MAP3K5: variants seen among roughly 807,000 people sequenced by gnomAD.
The protein encoded by MAP3K5 is ASK-1.
A neutral mutation model predicts 158.7 loss-of-function variants in MAP3K5; 56 were observed. The observed-to-expected ratio is 0.35, with a 90% confidence interval of 0.28 to 0.44. The LOEUF (loss-of-function observed/expected upper bound fraction) is 0.44, where lower values mean the gene tolerates loss of function less well. Among genes scored for constraint, MAP3K5 ranks in the 20% least tolerant of loss-of-function variants. The pLI, the probability that MAP3K5 is intolerant of heterozygous loss-of-function variation, is 1.00. For missense variants in MAP3K5, 1,294 were observed against 1,674.8 expected (o/e 0.77, Z 3.97); for synonymous variants, 579 against 601.7 (o/e 0.96, Z 0.55).
At chr6:136,565,464 C>A (rs1224252130) in intron 26 of MAP3K5, among the ~76,000 whole-genome samples, 1 of 152,146 alleles carries the variant, frequency 6.6e-6, no homozygotes, top group Non-Finnish European at 1.5e-5. Flanking sequence ...TAGGGTCTTG[C>A]TCTGTCACCC....
chr6:136,733,347 C>A lies in MAP3K5; in HGVS notation c.449-12758G>T, dbSNP rs917633594. ...GTTTAGTAAGTGCTATTGAGGGAGC[C>A]CTGCAAATACTGTCACTGGGTTGTC... On this transcript the variant is annotated intron_variant, in intron 1 of 29. Transcript: ENST00000359015. Among the ~76,000 whole-genome samples the A allele has an allele frequency of 2.0e-5, 3 of 152,074 alleles. 1 individual carries two copies. Among genetic ancestry groups the A allele is most frequent in the African/African-American group, 7.2e-5 (3 of 41,404 alleles).
intron 23 of MAP3K5, among the ~76,000 whole-genome samples, chr6:136,587,751 G>A (rs1021478204): frequency 6.6e-6 from 1 of 152,128 alleles, no homozygotes; most frequent in South Asian, 2.1e-4. Flanking sequence ...CAGCAGTTTC[G>A]GGTACTCACT....
At position 136,562,608 on chromosome 6, in the gene MAP3K5, C is replaced by T. The variant is rs1226574277; in HGVS notation, c.3769G>A (p.Glu1257Lys). The T allele has an allele frequency of 6.4e-7, 1 of 1,570,776 alleles. No homozygotes were observed. Among genetic ancestry groups the T allele is most frequent in the African/African-American group, 1.4e-5 (1 of 73,132 alleles). ...RMKIETNRLL[E>K]ELVRKEKELQ... The stretch of plus-strand genomic sequence containing the variant: ...TCTTTCTCTTTCCGAACCAATTCTT[C>T]CAGTAATCTGCAGAAGAAAAATATA... Residue 1257 changes from glutamate to lysine, a missense_variant, in exon 27 of 30, where the codon GAA (glutamate) becomes AAA (lysine). Glu to Lys is a moderately conservative substitution (Grantham distance 56, BLOSUM62 1). Coordinates refer to ENST00000359015, the MANE Select transcript of MAP3K5 (RefSeq NM_005923.4).
intron 8 of MAP3K5, among the ~76,000 whole-genome samples, chr6:136,660,160 T>A (rs912386181): frequency 1.8e-4 from 27 of 152,230 alleles, no homozygotes; most frequent in African/African-American, 6.0e-4. Context: ...TGAAATTCTA[T>A]CAGTTGAAGT....
chr6:136,730,048 C>CT (rs994557678), intron 1 of MAP3K5, among the ~76,000 whole-genome samples: 1 of 152,208 alleles, frequency 6.6e-6, no homozygotes, highest in African/African-American at 2.4e-5. Context: ...TCACGGCTCA[C>CT]TGCAGCCTCC....
chr6:136,709,022 C>A (rs1047740251), intron 2 of MAP3K5, among the ~76,000 whole-genome samples: 46 of 152,128 alleles, frequency 3.0e-4, no homozygotes, highest in African/African-American at 1.0e-3. Flanking sequence ...TTCTGTGACA[C>A]CCCCAACAGA....
At chr6:136,761,761 T>C (rs1783769096) in intron 1 of MAP3K5, among the ~76,000 whole-genome samples, 1 of 152,204 alleles carries the variant, frequency 6.6e-6, no homozygotes, top group Admixed American at 6.5e-5. Context: ...CTCCCACAGC[T>C]GGTCAGGAGC....
chr6:136,697,212 T>G lies in MAP3K5; in HGVS notation c.975+7A>C, dbSNP rs1780637295. ...CAACAAAGATTTCACTTTAAACATCTTCTCACCTGGATATCTCTGTAGGAA... is the reference window on the plus strand; with the variant it reads ...CAACAAAGATTTCACTTTAAACATCGTCTCACCTGGATATCTCTGTAGGAA... On this transcript the variant is annotated splice_region_variant and intron_variant, in intron 5 of 29. Transcript: ENST00000359015. 3 of 1,607,444 alleles carry G rather than the reference T, an allele frequency of 1.9e-6. No individual in the cohort carries two copies. Among genetic ancestry groups the G allele is most frequent in the Non-Finnish European group, 1.7e-6 (2 of 1,175,984 alleles).
intron 15 of MAP3K5, 100 bp from the exon 16 acceptor site, chr6:136,614,386 A>C: frequency 7.3e-7 from 1 of 1,377,950 alleles, no homozygotes; most frequent in Non-Finnish European, 9.9e-7. Context: ...ATATATGTCC[A>C]TATGTAAAAC....
chr6:136,792,179 G>A lies in MAP3K5; in HGVS notation c.-22C>T. On this transcript the variant is annotated 5_prime_UTR_variant, in exon 1 of 30. Coordinates refer to ENST00000359015, the MANE Select transcript of MAP3K5 (RefSeq NM_005923.4). This position sits in a 1 kb window ranked among gnomAD's most constrained non-coding sequence, Gnocchi z 5.7. Reference sequence around the variant, plus strand: ...TCATCTCTCCGGGCCGGGCAGCAACGGCGGCGGCGTCCCCCGCCCAGCCGC... The same window carrying A: ...TCATCTCTCCGGGCCGGGCAGCAACAGCGGCGGCGTCCCCCGCCCAGCCGC... The A allele has an allele frequency of 6.5e-7, 1 of 1,531,358 alleles. No individual in the cohort carries two copies. Among genetic ancestry groups the A allele is most frequent in the South Asian group, 1.2e-5 (1 of 83,540 alleles). The allele number at this position is 1,531,358 out of a possible 1,614,324, so 94.9% of individuals were successfully genotyped here.
intron 1 of MAP3K5, among the ~76,000 whole-genome samples, chr6:136,749,505 C>T (rs1783102319): frequency 6.6e-6 from 1 of 152,070 alleles, no homozygotes; most frequent in African/African-American, 2.4e-5. Context: ...CTCAGGACCA[C>T]TGTCACACCC....
At chr6:136,696,796 G>A (rs186378895) in intron 5 of MAP3K5, among the ~76,000 whole-genome samples, 68 of 152,134 alleles carry the variant, frequency 4.5e-4, no homozygotes, top group Admixed American at 1.0e-3. Flanking sequence ...TCCTTCAGGC[G>A]AGTTAGATTC....
intron 1 of MAP3K5, among the ~76,000 whole-genome samples, chr6:136,723,771 T>A (rs1288538421): frequency 6.6e-6 from 1 of 152,090 alleles, no homozygotes; most frequent in Admixed American, 6.6e-5. Flanking sequence ...GAAATGGAGG[T>A]AAAAGACACA....
At chr6:136,698,285 T>C (rs927515152) in intron 4 of MAP3K5, among the ~76,000 whole-genome samples, 3 of 152,210 alleles carry the variant, frequency 2.0e-5, no homozygotes, top group Admixed American at 2.0e-4. Flanking sequence ...GACTTTTTAA[T>C]TTTTTGCTGA....
At chr6:136,786,951 TACTC>T (rs1784875999) in intron 1 of MAP3K5, among the ~76,000 whole-genome samples, 1 of 152,072 alleles carries the variant, frequency 6.6e-6, no homozygotes, top group African/African-American at 2.4e-5. Flanking sequence ...AATAAGTTCT[TACTC>T]ACTCCGTTAG....
intron 23 of MAP3K5, among the ~76,000 whole-genome samples, chr6:136,589,741 T>C (rs564380604): frequency 1.8e-4 from 27 of 152,230 alleles, no homozygotes; most frequent in African/African-American, 6.0e-4. Context: ...GAAAAGGCCA[T>C]ATGAGCACAT....
In MAP3K5 at chr6:136,562,620, A is replaced by C. The variant is rs1830564153; in HGVS notation, c.3762-5T>G. On this transcript the variant is annotated splice_region_variant and splice_polypyrimidine_tract_variant and intron_variant, in intron 26 of 29. Coordinates refer to ENST00000359015, the MANE Select transcript of MAP3K5 (RefSeq NM_005923.4). Reference sequence around the variant, plus strand: ...CGAACCAATTCTTCCAGTAATCTGCAGAAGAAAAATATATTGTTTGACAGG... The same window carrying C: ...CGAACCAATTCTTCCAGTAATCTGCCGAAGAAAAATATATTGTTTGACAGG... 1 of 1,489,506 alleles carries C rather than the reference A, an allele frequency of 6.7e-7. No individual in the cohort carries two copies. The highest frequency in any genetic ancestry group is 1.2e-5 in the South Asian group (1 of 85,222). 92.3% of individuals were successfully genotyped at this position (1,489,506 alleles called of 1,614,324 possible).
At chr6:136,585,379 A>G (rs1466067275) in intron 23 of MAP3K5, among the ~76,000 whole-genome samples, 1 of 151,576 alleles carries the variant, frequency 6.6e-6, no homozygotes, top group Non-Finnish European at 1.5e-5. Flanking sequence ...CCGCCTCCCA[A>G]AGTGCTGGGA....
chr6:136,762,139 A>C (rs1219804891), intron 1 of MAP3K5, among the ~76,000 whole-genome samples: 2 of 152,242 alleles, frequency 1.3e-5, no homozygotes, highest in African/African-American at 2.4e-5. Context: ...GCAGAGAACA[A>C]CACTGTCAGT....
Sources: allele counts gnomAD v4.1 joint callset (sites outside exome capture counted in the v4.1 genomes callset), GRCh38; gene constraint gnomAD v4.1.1; non-coding constraint Gnocchi (gnomAD v3.1); transcripts MANE v1.5; gene names NCBI Gene and HGNC (gene_info 2026-07-23, HGNC 2026-07-21).